XKR6: variants seen among roughly 807,000 people sequenced by gnomAD.
XKR6 encodes the protein XK-related protein 6.
A neutral mutation model predicts 56.7 loss-of-function variants in XKR6; 22 were observed. The ratio of observed to expected loss-of-function variants is 0.39; its 90% CI spans 0.28 to 0.55. The LOEUF is 0.55. Ranked by LOEUF, XKR6 falls within the 20% of genes least tolerant of loss-of-function variation. The pLI is 0.66. For synonymous variants in XKR6, 524 were observed against 387.8 expected (o/e 1.35, Z -4.13); for missense variants, 852 against 889.0 (o/e 0.96, Z 0.53).
At chr8:10,987,887 C>G (rs1166879375) in intron 1 of XKR6, among the ~76,000 whole-genome samples, 1 of 152,232 alleles carries the variant, frequency 6.6e-6, no homozygotes, top group East Asian at 1.9e-4. Flanking sequence ...GGGCTACTGT[C>G]TCACAGCACC....
rs1023345102 is a variant in XKR6, at chr8:10,897,429, A to G, written c.*523T>C. ...CCTCTTCTGGTGCAAAAATCACCAG[A>G]GAGTTTTGCATGAGAAAACGTGACA... On this transcript the variant is annotated 3_prime_UTR_variant, in exon 3 of 3. Transcript: ENST00000416569. The G allele has an allele frequency of 1.3e-5, 2 of 152,668 alleles. No homozygotes were observed. Among genetic ancestry groups the G allele is most frequent in the African/African-American group, 4.8e-5 (2 of 41,456 alleles). The allele number at this position is 152,668 out of a possible 1,614,324, so 9.5% of individuals were successfully genotyped here. A position where few individuals can be genotyped will look rare whatever the true frequency, so the allele number is the denominator to read the frequency against.
At chr8:11,009,487 G>A (rs894250442) in intron 1 of XKR6, among the ~76,000 whole-genome samples, 1 of 152,166 alleles carries the variant, frequency 6.6e-6, no homozygotes, top group African/African-American at 2.4e-5. Flanking sequence ...TCCAGCCTTG[G>A]TGAGAGAGTG....
At chr8:10,981,373 G>A (rs1339542810) in intron 1 of XKR6, among the ~76,000 whole-genome samples, 1 of 152,190 alleles carries the variant, frequency 6.6e-6, no homozygotes, top group Non-Finnish European at 1.5e-5. Context: ...CTCACCAGAA[G>A]GAAGGGCCAA....
At chr8:10,949,591 G>A (rs534731916) in intron 1 of XKR6, among the ~76,000 whole-genome samples, 2 of 152,356 alleles carry the variant, frequency 1.3e-5, no homozygotes, top group South Asian at 4.1e-4. Flanking sequence ...CGAGGCTAGC[G>A]GGGTACACCG....
chr8:11,144,960 GAGGA>G (rs1404457398), intron 1 of XKR6, among the ~76,000 whole-genome samples: 4 of 146,338 alleles, frequency 2.7e-5, no homozygotes, highest in African/African-American at 1.0e-4. Flanking sequence ...GGAGAGAAGG[GAGGA>G]AGGAAGGGAG....
intron 1 of XKR6, chr8:11,195,274 A>C: frequency 1.5e-6 from 1 of 668,720 alleles, no homozygotes; most frequent in Non-Finnish European, 2.7e-6. Context: ...TTAACATTTT[A>C]TGTTTACACC....
At chr8:11,137,676 C>T (rs1219215285) in intron 1 of XKR6, 1 of 456,100 alleles carries the variant, frequency 2.2e-6, no homozygotes, top group South Asian at 1.5e-5. Context: ...ATGTGGAGCA[C>T]AAGCAGCGGA....
intron 1 of XKR6, among the ~76,000 whole-genome samples, chr8:11,019,428 T>G (rs1798699317): frequency 6.6e-6 from 1 of 152,322 alleles, no homozygotes; most frequent in Non-Finnish European, 1.5e-5. Context: ...TTGTAACTAT[T>G]CTTCCTCCAT....
In XKR6 at chr8:11,015,093, C is replaced by T. The variant is rs572520394; in HGVS notation, c.765-90263G>A. On this transcript the variant is annotated intron_variant, in intron 1 of 2. Transcript: ENST00000416569. The stretch of plus-strand genomic sequence containing the variant: ...CAAAACTCATCTACGATCAGGGAAG[C>T]CGGGACCTGGGTTGGGAGGAGGCGC... 1.6e-4 allele frequency among the ~76,000 whole-genome samples: 25 copies of T among 152,278 alleles called. No homozygotes were observed. In the South Asian group the frequency reaches 5.0e-3, roughly 30 times the overall value.
At chr8:11,051,701 C>G (rs1321387331) in intron 1 of XKR6, among the ~76,000 whole-genome samples, 1 of 152,144 alleles carries the variant, frequency 6.6e-6, no homozygotes, top group Non-Finnish European at 1.5e-5. Flanking sequence ...AGCAGCTTTT[C>G]CCCACTGCCT....
chr8:11,129,222 G>T (rs1462816881), intron 1 of XKR6, among the ~76,000 whole-genome samples: 1 of 152,138 alleles, frequency 6.6e-6, no homozygotes, highest in African/African-American at 2.4e-5. Context: ...ACACGCCACT[G>T]AATTGTTCAT....
chr8:11,050,933 T>C (rs1047148315), intron 1 of XKR6, among the ~76,000 whole-genome samples: 1 of 152,178 alleles, frequency 6.6e-6, no homozygotes, highest in African/African-American at 2.4e-5. Flanking sequence ...ATTTCAAAAA[T>C]GAAAACATCC....
intron 1 of XKR6, among the ~76,000 whole-genome samples, chr8:11,031,212 G>A (rs963712638): frequency 6.6e-5 from 10 of 152,226 alleles, no homozygotes; most frequent in African/African-American, 2.2e-4. Context: ...GATAAAGAGC[G>A]AGAGCAATAG....
intron 1 of XKR6, among the ~76,000 whole-genome samples, chr8:11,135,955 T>C (rs1800369117): frequency 6.6e-6 from 1 of 152,202 alleles, no homozygotes; most frequent in Non-Finnish European, 1.5e-5. Flanking sequence ...TAGATTAATA[T>C]ATTGTTTATA....
At chr8:10,976,172 T>C (rs1302941740) in intron 1 of XKR6, among the ~76,000 whole-genome samples, 2 of 147,612 alleles carry the variant, frequency 1.4e-5, no homozygotes, top group East Asian at 1.9e-4. Context: ...CAAGACTCCA[T>C]CTCAAGAAAA....
intron 1 of XKR6, among the ~76,000 whole-genome samples, chr8:10,932,916 T>C (rs1801103717): frequency 7.0e-6 from 1 of 143,604 alleles, no homozygotes; most frequent in African/African-American, 2.7e-5. Context: ...AGCAGCATGA[T>C]TTATAGTCAT....
chr8:10,944,492 C>A (rs1456017170), intron 1 of XKR6, among the ~76,000 whole-genome samples: 1 of 152,194 alleles, frequency 6.6e-6, no homozygotes, highest in Admixed American at 6.5e-5. Flanking sequence ...CACCACACGG[C>A]AGGGCAGGGT....
At chr8:11,192,817 A>G (rs78358224) in intron 1 of XKR6, among the ~76,000 whole-genome samples, 3,474 of 152,202 alleles carry the variant, frequency 0.023, 66 homozygotes, top group Middle Eastern at 0.051. Flanking sequence ...CTCTCCTAAC[A>G]CAGGAGTCTC....
intron 1 of XKR6, chr8:11,062,643 C>A: frequency 4.9e-6 from 2 of 410,164 alleles, no homozygotes; most frequent in Non-Finnish European, 9.7e-6. Flanking sequence ...GCAAAGAATC[C>A]CACAATAGTA....
Sources: allele counts gnomAD v4.1 joint callset (sites outside exome capture counted in the v4.1 genomes callset), GRCh38; gene constraint gnomAD v4.1.1; transcripts MANE v1.5; gene names NCBI Gene and HGNC (gene_info 2026-07-23, HGNC 2026-07-21).